Variants in COL26A1 observed in about 807,000 individuals in gnomAD.
The protein encoded by COL26A1 is collagen type XXVI alpha 1 chain.
Under a neutral mutation model 59.3 loss-of-function variants are expected in COL26A1, and 41 were observed. The observed-to-expected ratio is 0.69, with a 90% CI of 0.54 to 0.90. COL26A1 has a LOEUF of 0.90. COL26A1 is among the 40% of genes least tolerant of loss of function. The pLI, the probability that COL26A1 is intolerant of heterozygous loss-of-function variation, is 0.00. For missense variants in COL26A1, 612 were observed against 602.3 expected (o/e 1.02, Z -0.17); for synonymous variants, 266 against 256.0 (o/e 1.04, Z -0.37).
intron 1 of COL26A1, among the ~76,000 whole-genome samples, chr7:101,384,230 G>GTTT (rs35085221): frequency 5.4e-4 from 57 of 105,648 alleles, no homozygotes; most frequent in East Asian, 4.6e-3. Flanking sequence ...GTTCAGGCTG[G>GTTT]TTTTTTTTTT....
rs576300420 is a variant in COL26A1 at position 101,545,456 on chromosome 7, C to T, written c.822C>T (p.Ala274=). The part of the protein sequence containing the change: ...PGPSPNSPQG[A]LYSLQPPTDK... ...CCTCACCAAACAGCCCCCAGGGCGC[C>T]CTCTACTCCCTGCAGCCGCCTACAG... is the stretch of plus-strand genomic sequence containing the variant. Residue 274 remains alanine (A), a synonymous_variant, in exon 7 of 13, where the codon GCC becomes GCT. Transcript: ENST00000313669. The T allele has an allele frequency of 1.2e-6, 2 of 1,608,966 alleles. No individual in the cohort carries two copies.
chr7:101,472,251 C>T (rs564740542), intron 3 of COL26A1, among the ~76,000 whole-genome samples: 4 of 152,286 alleles, frequency 2.6e-5, no homozygotes, highest in South Asian at 4.1e-4. Flanking sequence ...AGCAATCTGC[C>T]GACCTTGGCC....
intron 3 of COL26A1, among the ~76,000 whole-genome samples, chr7:101,525,514 T>TA (rs1795225685): frequency 6.8e-6 from 1 of 147,078 alleles, no homozygotes; most frequent in African/African-American, 2.5e-5. Context: ...TTTTTTTTTT[T>TA]GAGATGGAGT....
At chr7:101,438,969 C>G (rs1353685633) in intron 2 of COL26A1, among the ~76,000 whole-genome samples, 1 of 152,184 alleles carries the variant, frequency 6.6e-6, no homozygotes, top group African/African-American at 2.4e-5. Flanking sequence ...TGAGCCACAG[C>G]GCCCAGCCCC....
At chr7:101,455,723 C>T (rs1793455162) in intron 3 of COL26A1, among the ~76,000 whole-genome samples, 1 of 152,000 alleles carries the variant, frequency 6.6e-6, no homozygotes, top group South Asian at 2.1e-4. Flanking sequence ...AGCTCTGTCA[C>T]CCAAGCTGTA....
chr7:101,413,967 G>A (rs1792308395), intron 1 of COL26A1, among the ~76,000 whole-genome samples: 1 of 152,212 alleles, frequency 6.6e-6, no homozygotes, highest in Non-Finnish European at 1.5e-5. Flanking sequence ...GTGCGCAGGT[G>A]GGCGGTGGCA....
At chr7:101,459,284 T>TTTTG (rs140543982) in intron 3 of COL26A1, among the ~76,000 whole-genome samples, 9 of 152,084 alleles carry the variant, frequency 5.9e-5, no homozygotes, top group Non-Finnish European at 8.8e-5. Flanking sequence ...CCTAGAGTTC[T>TTTTG]TTTGTTTGTT....
chr7:101,461,486 TG>T (rs1168022360), intron 3 of COL26A1, among the ~76,000 whole-genome samples: 1 of 151,984 alleles, frequency 6.6e-6, no homozygotes, highest in African/African-American at 2.4e-5. Context: ...TTAGTAGAGA[TG>T]GGGATTCGCC....
At chr7:101,404,440 C>G (rs57715150) in intron 1 of COL26A1, among the ~76,000 whole-genome samples, 24 of 151,916 alleles carry the variant, frequency 1.6e-4, no homozygotes, top group East Asian at 9.6e-4. Context: ...ACCCTCCCCC[C>G]CCAAATGGCT....
At chr7:101,511,172 G>T (rs1055307087) in intron 3 of COL26A1, among the ~76,000 whole-genome samples, 4 of 152,126 alleles carry the variant, frequency 2.6e-5, no homozygotes, top group African/African-American at 9.7e-5. Flanking sequence ...AAAGTGCTGG[G>T]ATTACAGGCG....
intron 1 of COL26A1, among the ~76,000 whole-genome samples, chr7:101,387,098 G>T (rs1584361192): frequency 6.6e-6 from 1 of 152,260 alleles, no homozygotes; most frequent in South Asian, 2.1e-4. Flanking sequence ...GCGGCCAGGG[G>T]TGCCACTGGG....
At chr7:101,486,164 C>T (rs1794263757) in intron 3 of COL26A1, among the ~76,000 whole-genome samples, 1 of 148,742 alleles carries the variant, frequency 6.7e-6, no homozygotes, top group Non-Finnish European at 1.5e-5. Flanking sequence ...CAGAGTGAGA[C>T]TGTCTCTAAA....
chr7:101,389,986 G>C (rs10254669), intron 1 of COL26A1, among the ~76,000 whole-genome samples: 1 of 151,794 alleles, frequency 6.6e-6, no homozygotes, highest in Non-Finnish European at 1.5e-5. Flanking sequence ...TGGATCTTTC[G>C]ATGCACAGAA....
chr7:101,557,531 G>C lies in COL26A1; in HGVS notation c.*1G>C. On this transcript the variant is annotated 3_prime_UTR_variant, in exon 13 of 13. Coordinates refer to ENST00000313669, the MANE Select transcript of COL26A1 (RefSeq NM_001278563.3). ...GGACCAGGCCAGCAGCAGGAAGTGA[G>C]AGCCCACTGCTCCAGGACACCCTGT... 6.2e-7 allele frequency: 1 copy of C among 1,605,048 alleles called. No individual in the cohort carries two copies. Among genetic ancestry groups the C allele is most frequent in the Non-Finnish European group, 8.5e-7 (1 of 1,173,880 alleles).
At chr7:101,533,191 T>G (rs370701792) in intron 4 of COL26A1, 48 bp downstream of exon 4, 2 of 1,437,448 alleles carry the variant, frequency 1.4e-6, no homozygotes, top group Non-Finnish European at 1.9e-6. Flanking sequence ...CTGGGGACCT[T>G]GGGTGGTGGA....
intron 1 of COL26A1, among the ~76,000 whole-genome samples, chr7:101,408,449 G>C (rs1792176817): frequency 6.6e-6 from 1 of 152,234 alleles, no homozygotes; most frequent in African/African-American, 2.4e-5. Context: ...CTGAGCAGCT[G>C]AATGATGGAT....
chr7:101,547,129 C>T (rs1795752309), intron 7 of COL26A1, 27 bp from the exon 8 acceptor site: 33 of 1,540,344 alleles, frequency 2.1e-5, no homozygotes, highest in Non-Finnish European at 2.9e-5. Context: ...CCCCACCAGA[C>T]CCCTGGCCGC....
chr7:101,515,562 G>T (rs1022487604), intron 3 of COL26A1, among the ~76,000 whole-genome samples: 1 of 151,668 alleles, frequency 6.6e-6, no homozygotes, highest in African/African-American at 2.4e-5. Flanking sequence ...GGGATTACAG[G>T]CATGAGCCAC....
At chr7:101,477,966 T>C (rs1396376953) in intron 3 of COL26A1, among the ~76,000 whole-genome samples, 1 of 152,148 alleles carries the variant, frequency 6.6e-6, no homozygotes, top group Non-Finnish European at 1.5e-5. Flanking sequence ...TTTGTTCTTG[T>C]CCATTGATAT....
Sources: allele counts gnomAD v4.1 joint callset (sites outside exome capture counted in the v4.1 genomes callset), GRCh38; gene constraint gnomAD v4.1.1; transcripts MANE v1.5; gene names NCBI Gene and HGNC (gene_info 2026-07-23, HGNC 2026-07-21).